SSBP2: variants seen among roughly 807,000 people sequenced by gnomAD.
SSBP2 encodes single-stranded DNA-binding protein 2.
SSBP2 carries 17 observed loss-of-function variants against 61.8 expected under a neutral mutation model. That is an observed-to-expected ratio of 0.28 (90% CI 0.19 to 0.41). The LOEUF (loss-of-function observed/expected upper bound fraction) is 0.41, where lower values mean the gene tolerates loss of function less well. Ranked by LOEUF, SSBP2 falls within the 10% of genes least tolerant of loss-of-function variation. The pLI, the probability that SSBP2 is intolerant of heterozygous loss-of-function variation, is 1.00. For synonymous variants in SSBP2, 139 were observed against 141.3 expected (o/e 0.98, Z 0.12); for missense variants, 310 against 458.7 (o/e 0.68, Z 2.96).
rs192024265 is a variant in SSBP2, at chr5:81,564,814, T to C, written c.282+50659A>G. 2.6e-5 allele frequency among the ~76,000 whole-genome samples: 4 copies of C among 152,324 alleles called. No homozygotes were observed. In the East Asian group the frequency reaches 7.7e-4, roughly 29 times the overall value. On this transcript the variant is annotated intron_variant, in intron 4 of 16. Transcript: ENST00000320672. Reference sequence around the variant, plus strand: ...TGGTATTCAAAAGCTCTCTCCTAGTTTCCTGATCCTTCTAACACCAAACAT... The same window carrying C: ...TGGTATTCAAAAGCTCTCTCCTAGTCTCCTGATCCTTCTAACACCAAACAT...
chr5:81,443,574 G>A (rs775234248), intron 12 of SSBP2, among the ~76,000 whole-genome samples: 2 of 151,854 alleles, frequency 1.3e-5, no homozygotes, highest in Non-Finnish European at 2.9e-5. Context: ...GTTTTATTTT[G>A]TTTTTTTAGA....
chr5:81,540,849 A>G (rs560253153), intron 4 of SSBP2, among the ~76,000 whole-genome samples: 1 of 152,168 alleles, frequency 6.6e-6, no homozygotes, highest in Admixed American at 6.5e-5. Flanking sequence ...CATGACATGA[A>G]ATGTAACTCC....
intron 16 of SSBP2, among the ~76,000 whole-genome samples, chr5:81,422,113 C>T (rs1201830383): frequency 1.3e-5 from 2 of 152,074 alleles, no homozygotes; most frequent in African/African-American, 4.8e-5. Flanking sequence ...AACAATTGTG[C>T]CTCCTAGAAA....
At chr5:81,470,863 C>T (rs1008235537) in intron 8 of SSBP2, among the ~76,000 whole-genome samples, 11 of 151,832 alleles carry the variant, frequency 7.2e-5, no homozygotes, top group African/African-American at 2.7e-4. Context: ...ACAAATTTCA[C>T]AGTTTATAAT....
intron 1 of SSBP2, among the ~76,000 whole-genome samples, chr5:81,712,906 T>C (rs1754897389): frequency 6.6e-6 from 1 of 151,804 alleles, no homozygotes; most frequent in Admixed American, 6.6e-5. Context: ...TTTGTATTTT[T>C]TTGTAGAGAC....
chr5:81,681,706 C>T (rs1419607034), intron 1 of SSBP2, among the ~76,000 whole-genome samples: 4 of 151,644 alleles, frequency 2.6e-5, no homozygotes, highest in Admixed American at 2.0e-4. Flanking sequence ...CAAAATAAGC[C>T]AGAGGAAAAA....
At chr5:81,433,013 G>A (rs1370325383) in intron 15 of SSBP2, among the ~76,000 whole-genome samples, 1 of 150,870 alleles carries the variant, frequency 6.6e-6, no homozygotes, top group African/African-American at 2.4e-5. Context: ...CCGGCCAGCC[G>A]CCCCTTCCGG....
At chr5:81,491,100 T>C (rs1766821886) in intron 5 of SSBP2, among the ~76,000 whole-genome samples, 1 of 152,216 alleles carries the variant, frequency 6.6e-6, no homozygotes, top group African/African-American at 2.4e-5. Context: ...TAATTTCACC[T>C]ATGAAGCTGT....
chr5:81,636,509 A>G (rs1268127888), intron 3 of SSBP2, 48 bp downstream of exon 3: 3 of 1,440,528 alleles, frequency 2.1e-6, no homozygotes, highest in Non-Finnish European at 2.9e-6. Flanking sequence ...GTACAGGCCT[A>G]TTGAAATGCA....
Position 81,583,321 on chromosome 5 carries a change from T to C in SSBP2, c.282+32152A>G, listed in dbSNP as rs148718260. ...TAGGTTCCACCCACATGTATGCCTCTTCTTCATTTTCAAGAGTAGCCATTG... is the reference window on the plus strand; with the variant it reads ...TAGGTTCCACCCACATGTATGCCTCCTCTTCATTTTCAAGAGTAGCCATTG... On this transcript the variant is annotated intron_variant, in intron 4 of 16. Coordinates refer to ENST00000320672, the MANE Select transcript of SSBP2 (RefSeq NM_012446.5). Among the ~76,000 whole-genome samples, 310 of 152,166 alleles carry C rather than the reference T, an allele frequency of 2.0e-3. 1 individual carries two copies. The highest frequency in any genetic ancestry group is 7.2e-3 in the African/African-American group (298 of 41,508).
intron 6 of SSBP2, among the ~76,000 whole-genome samples, chr5:81,477,686 C>T (rs1320815705): frequency 6.9e-6 from 1 of 145,122 alleles, no homozygotes; most frequent in Non-Finnish European, 1.5e-5. Context: ...TTTATAGGAT[C>T]ATATACCTCA....
chr5:81,699,655 C>CT (rs1753830256), intron 1 of SSBP2, among the ~76,000 whole-genome samples: 1 of 152,170 alleles, frequency 6.6e-6, no homozygotes, highest in Non-Finnish European at 1.5e-5. Context: ...TCTTGAAACC[C>CT]TCCAAGTCAT....
chr5:81,532,839 A>C (rs976025584), intron 4 of SSBP2, among the ~76,000 whole-genome samples: 3 of 151,978 alleles, frequency 2.0e-5, no homozygotes, highest in African/African-American at 7.2e-5. Context: ...TCAAAATGAC[A>C]AAACAATATT....
chr5:81,565,335 T>C (rs1773341136), intron 4 of SSBP2, among the ~76,000 whole-genome samples: 1 of 152,118 alleles, frequency 6.6e-6, no homozygotes, highest in African/African-American at 2.4e-5. Context: ...AAAACATAAT[T>C]TTAAACATAT....
At chr5:81,746,451 A>G (rs1292776583) in intron 1 of SSBP2, among the ~76,000 whole-genome samples, 1 of 152,014 alleles carries the variant, frequency 6.6e-6, no homozygotes, top group East Asian at 1.9e-4. Context: ...GATCTCTATT[A>G]CTTTTCTTGC....
intron 10 of SSBP2, among the ~76,000 whole-genome samples, chr5:81,455,814 C>T (rs1764106583): frequency 6.6e-6 from 1 of 152,018 alleles, no homozygotes; most frequent in Non-Finnish European, 1.5e-5. Flanking sequence ...AAATTAAGGG[C>T]CACACATACT....
chr5:81,455,952 C>G (rs1307158361), intron 10 of SSBP2, among the ~76,000 whole-genome samples: 2 of 152,164 alleles, frequency 1.3e-5, no homozygotes, highest in East Asian at 1.9e-4. Flanking sequence ...AGAGGACTTT[C>G]ATTTTGTTAA....
In SSBP2 at chr5:81,507,969, A is replaced by T. The variant is rs946037661; in HGVS notation, c.372+5659T>A. 2.6e-5 allele frequency among the ~76,000 whole-genome samples: 4 copies of T among 152,294 alleles called. No homozygotes were observed. In the South Asian group the frequency reaches 8.3e-4, roughly 32 times the overall value. On this transcript the variant is annotated intron_variant, in intron 5 of 16. Coordinates refer to ENST00000320672, the MANE Select transcript of SSBP2 (RefSeq NM_012446.5). ...GAAGAAAATCCACTTGGTCTAAGGA[A>T]TGCTGCTGCCTATTTATATTGCAGG...
chr5:81,432,384 A>G (rs1561389748), intron 15 of SSBP2, among the ~76,000 whole-genome samples: 1 of 152,232 alleles, frequency 6.6e-6, no homozygotes, highest in Non-Finnish European at 1.5e-5. Flanking sequence ...TGTGTTTTTC[A>G]AACTCAGAAA....
Sources: gnomAD v4.1 joint callset for allele counts (sites outside exome capture counted in the v4.1 genomes callset) on GRCh38, gnomAD v4.1.1 for gene constraint, MANE v1.5 for transcripts, NCBI Gene and HGNC (gene_info 2026-07-23, HGNC 2026-07-21) for gene names.